The following SYN2 variants were observed in gnomAD, a reference collection of about 807,000 sequenced individuals.
SYN2 encodes synapsin-2.
In SYN2, 19 loss-of-function variants were observed where a neutral mutation model predicts 50.9. The ratio of observed to expected loss-of-function variants is 0.37; its 90% confidence interval spans 0.26 to 0.55. The LOEUF is 0.55. Ranked by LOEUF, SYN2 falls within the 20% of genes least tolerant of loss-of-function variation. SYN2 has a pLI of 0.81. For synonymous variants in SYN2, 255 were observed against 224.9 expected (o/e 1.13, Z -1.20); for missense variants, 587 against 576.4 (o/e 1.02, Z -0.19).
intron 1 of SYN2, among the ~76,000 whole-genome samples, chr3:12,063,675 A>T (rs973707458): frequency 6.6e-6 from 1 of 152,040 alleles, no homozygotes; most frequent in African/African-American, 2.4e-5. Context: ...GGATATTTTT[A>T]AAAACACATG....
intron 5 of SYN2, among the ~76,000 whole-genome samples, chr3:12,158,051 C>T (rs1697509327): frequency 6.6e-6 from 1 of 152,176 alleles, no homozygotes; most frequent in African/African-American, 2.4e-5. Flanking sequence ...ACAGGGTCCC[C>T]ATCCTGCCGA....
At chr3:12,119,995 AC>A (rs1291709305) in intron 1 of SYN2, among the ~76,000 whole-genome samples, 2 of 152,150 alleles carry the variant, frequency 1.3e-5, no homozygotes, top group African/African-American at 2.4e-5. Context: ...AGTTTAAAAA[AC>A]ATCTGAATTT....
intron 1 of SYN2, among the ~76,000 whole-genome samples, chr3:12,089,375 A>G (rs1283334629): frequency 6.6e-6 from 1 of 152,230 alleles, no homozygotes; most frequent in South Asian, 2.1e-4. Flanking sequence ...AGCATGGGAA[A>G]GGCCTGCCCC....
At chr3:12,011,917 A>G (rs1693917729) in intron 1 of SYN2, among the ~76,000 whole-genome samples, 1 of 152,268 alleles carries the variant, frequency 6.6e-6, no homozygotes, top group African/African-American at 2.4e-5. Flanking sequence ...AGCATTTTGT[A>G]AAAGCTAAAG....
At chr3:12,115,423 A>G (rs1039876716) in intron 1 of SYN2, among the ~76,000 whole-genome samples, 14 of 152,206 alleles carry the variant, frequency 9.2e-5, no homozygotes, top group African/African-American at 3.1e-4. Context: ...CAGTGGCTGC[A>G]TAAGAACAGT....
At chr3:12,172,736 C>T (rs1313597152) in intron 10 of SYN2, among the ~76,000 whole-genome samples, 1 of 152,188 alleles carries the variant, frequency 6.6e-6, no homozygotes, top group Non-Finnish European at 1.5e-5. Context: ...AGAATAATAC[C>T]ATGTGGCCTG....
At chr3:12,160,042 CAAAAA>C (rs3079818) in intron 5 of SYN2, among the ~76,000 whole-genome samples, 16 of 67,614 alleles carry the variant, frequency 2.4e-4, no homozygotes, top group South Asian at 7.2e-4. Flanking sequence ...GACTCCGTCT[CAAAAA>C]AAAAAAAAAA....
chr3:12,185,834 A>C, intron 11 of SYN2: 1 of 920,198 alleles, frequency 1.1e-6, no homozygotes, highest in Non-Finnish European at 1.3e-6. Context: ...GTATTACCTT[A>C]CAGGAGAATG....
chr3:12,058,035 A>G (rs1179859225), intron 1 of SYN2, among the ~76,000 whole-genome samples: 1 of 152,148 alleles, frequency 6.6e-6, no homozygotes, highest in Non-Finnish European at 1.5e-5. Context: ...ATTTTTTAAC[A>G]AATGCACATA....
At chr3:12,183,617 C>T in intron 11 of SYN2, 4 of 1,449,740 alleles carry the variant, frequency 2.8e-6, no homozygotes, top group Non-Finnish European at 3.6e-6. Flanking sequence ...TTACCTGTTC[C>T]TGTTCGTGCT....
At chr3:12,184,986 T>C (rs901093149) in intron 11 of SYN2, 3 of 985,714 alleles carry the variant, frequency 3.0e-6, no homozygotes, top group African/African-American at 1.7e-5. Flanking sequence ...GTGTTGGTGG[T>C]ATGTAACAAG....
intron 1 of SYN2, among the ~76,000 whole-genome samples, chr3:12,110,128 C>CA (rs1696281346): frequency 6.6e-6 from 1 of 152,146 alleles, no homozygotes; most frequent in Non-Finnish European, 1.5e-5. Context: ...TTCAAGTGTA[C>CA]AGTGAGCTGT....
intron 11 of SYN2, chr3:12,184,443 A>T (rs1432638849): frequency 4.1e-6 from 4 of 985,890 alleles, no homozygotes; most frequent in African/African-American, 1.7e-5. Flanking sequence ...TCTGTCAGGG[A>T]TTTGTCCATT....
intron 5 of SYN2, chr3:12,154,394 C>CA (rs776070219): frequency 2.5e-6 from 4 of 1,614,192 alleles, no homozygotes; most frequent in Non-Finnish European, 3.4e-6. Flanking sequence ...CAGGTCCTCC[C>CA]AGGGCTCGAT....
chr3:12,157,098 A>C (rs1697480903), intron 5 of SYN2, among the ~76,000 whole-genome samples: 2 of 126,054 alleles, frequency 1.6e-5, no homozygotes, highest in Non-Finnish European at 3.4e-5. Flanking sequence ...CTCTTAAAAC[A>C]AAACAACAAC....
chr3:12,096,707 A>AGT (rs1695942469), intron 1 of SYN2, among the ~76,000 whole-genome samples: 1 of 152,132 alleles, frequency 6.6e-6, no homozygotes, highest in East Asian at 1.9e-4. Context: ...AATGAGAATG[A>AGT]GTGTGTGTGT....
At chr3:12,186,330 C>T (rs1698341542) in intron 11 of SYN2, among the ~76,000 whole-genome samples, 1 of 152,162 alleles carries the variant, frequency 6.6e-6, no homozygotes, top group Non-Finnish European at 1.5e-5. Flanking sequence ...TTGGGACCCT[C>T]CTCAGCAAAC....
In SYN2 at chr3:12,191,639, G is replaced by C. The variant is rs1698445224; in HGVS notation, c.*1014G>C. Among the ~76,000 whole-genome samples, 1 of 152,166 alleles carries C rather than the reference G, an allele frequency of 6.6e-6. No individual in the cohort carries two copies. The highest frequency in any genetic ancestry group is 6.5e-5 in the Admixed American group (1 of 15,276). ...CTGGGCCTCCTCGCACCTCCCCAGT[G>C]AATCTGTCTCCTCCAAGACACCTAG... On this transcript the variant is annotated 3_prime_UTR_variant, in exon 13 of 13. Transcript: ENST00000621198.
At chr3:12,147,811 G>C (rs1574967038) in intron 4 of SYN2, among the ~76,000 whole-genome samples, 1 of 152,186 alleles carries the variant, frequency 6.6e-6, no homozygotes, top group East Asian at 1.9e-4. Context: ...CTAGTGTATG[G>C]GTTCTCTTAA....
Sources: gnomAD v4.1 joint callset for allele counts (sites outside exome capture counted in the v4.1 genomes callset) on GRCh38, gnomAD v4.1.1 for gene constraint, MANE v1.5 for transcripts, NCBI Gene and HGNC (gene_info 2026-07-23, HGNC 2026-07-21) for gene names.